Variants in ANLN observed in about 807,000 individuals in gnomAD.
ANLN encodes the protein anillin, actin binding protein.
A neutral mutation model predicts 135.1 loss-of-function variants in ANLN; 59 were observed. The ratio of observed to expected loss-of-function variants is 0.44; its 90% CI spans 0.35 to 0.54. The LOEUF is 0.54. Ranked by LOEUF, ANLN falls within the 20% of genes least tolerant of loss-of-function variation. The pLI is 0.00. For synonymous variants in ANLN, 406 were observed against 456.4 expected (o/e 0.89, Z 1.41); for missense variants, 1,182 against 1,340.0 (o/e 0.88, Z 1.84).
In ANLN at chr7:36,399,229, A is replaced by C. The variant is rs200741510; in HGVS notation, c.323A>C (p.Gln108Pro). Residue 108 changes from glutamine (Q) to proline (P), a missense_variant, in exon 3 of 24, where the codon CAA becomes CCA. Gln to Pro is a moderately conservative substitution (Grantham distance 76). Coordinates refer to ENST00000265748, the MANE Select transcript of ANLN (RefSeq NM_018685.5). The part of the protein sequence containing the change: ...PSPVSPQVQP[Q>P]AADTISDSVA... Reference sequence around the variant, plus strand: ...CCTGTGTCTCCTCAGGTGCAGCCACAAGCAGCAGATACCATCAGTGATTCT... The same window carrying C: ...CCTGTGTCTCCTCAGGTGCAGCCACCAGCAGCAGATACCATCAGTGATTCT... 39 of 1,614,182 alleles carry C rather than the reference A, an allele frequency of 2.4e-5. No homozygotes were observed. The East Asian group carries it at 7.4e-4, about 30-fold the overall frequency.
At position 36,443,487 on chromosome 7, in the gene ANLN, TAA is replaced by T. The variant is rs35586687; in HGVS notation, c.2971-265_2971-264del. ...ATTTGATTAGGGACACTATACTTTT[TAA>T]AAGTCTTAAAGTAGGTAGAGGTATT... On this transcript the variant is annotated intron_variant, in intron 21 of 23. Transcript: ENST00000265748. 0.12 allele frequency among the ~76,000 whole-genome samples: 17,512 copies of T among 152,226 alleles called. 1,065 individuals are homozygous for T. Among genetic ancestry groups the T allele is most frequent in the South Asian group, 0.14 (674 of 4,820 alleles).
rs760332051 is a variant in ANLN, at chr7:36,410,474, T to A, written c.1097-40T>A. The A allele has an allele frequency of 1.2e-4, 182 of 1,501,866 alleles. No homozygotes were observed. In the Admixed American group the frequency reaches 2.5e-3, roughly 21 times the overall value. The allele number at this position is 1,501,866 out of a possible 1,614,324, so 93.0% of individuals were successfully genotyped here. A position where few individuals can be genotyped will look rare whatever the true frequency, so the allele number is the denominator to read the frequency against. On this transcript the variant is annotated intron_variant, in intron 5 of 23. Coordinates refer to ENST00000265748, the MANE Select transcript of ANLN (RefSeq NM_018685.5). Reference sequence around the variant, plus strand: ...TTCCATAGAAATCGTAATAATTTTTTATTTTGAATAGCCTCCAAAAATGTG... The same window carrying A: ...TTCCATAGAAATCGTAATAATTTTTAATTTTGAATAGCCTCCAAAAATGTG...
rs112562777 is a variant in ANLN, at chr7:36,440,104, CAT to C, written c.2970+815_2970+816del. 2.4e-3 allele frequency among the ~76,000 whole-genome samples: 367 copies of C among 152,222 alleles called. 2 individuals are homozygous for C. The highest frequency in any genetic ancestry group is 6.4e-3 in the African/African-American group (264 of 41,528). On this transcript the variant is annotated intron_variant, in intron 21 of 23. Coordinates refer to ENST00000265748, the MANE Select transcript of ANLN (RefSeq NM_018685.5). ...GATTTGAATTTTAGATGCCTGGAAA[CAT>C]GTGTGAAAGTTCTGGGTTTGGAGCT...
In ANLN at chr7:36,419,085, A is replaced by G. The variant is rs145729916; in HGVS notation, c.1634-159A>G. Among the ~76,000 whole-genome samples, 259 of 152,190 alleles carry G rather than the reference A, an allele frequency of 1.7e-3. 1 individual carries two copies. Among genetic ancestry groups the G allele is most frequent in the African/African-American group, 5.9e-3 (247 of 41,538 alleles). Reference sequence around the variant, plus strand: ...TGAAGCTGAAGATTTTCTTGGTTTCATTTATTAGTAGTATTTTCTTATTTT... The same window carrying G: ...TGAAGCTGAAGATTTTCTTGGTTTCGTTTATTAGTAGTATTTTCTTATTTT... On this transcript the variant is annotated intron_variant, in intron 9 of 23. Coordinates refer to ENST00000265748, the MANE Select transcript of ANLN (RefSeq NM_018685.5).
At chr7:36,440,290 G>A (rs1246469900) in intron 21 of ANLN, among the ~76,000 whole-genome samples, 7 of 152,276 alleles carry the variant, frequency 4.6e-5, no homozygotes, top group East Asian at 3.9e-4. Context: ...GGAGAGAAAC[G>A]GAGAATCTAG....
intron 23 of ANLN, among the ~76,000 whole-genome samples, chr7:36,450,065 A>G (rs1387185936): frequency 1.3e-5 from 2 of 152,252 alleles, no homozygotes; most frequent in African/African-American, 2.4e-5. Context: ...GTTTTCCAGT[A>G]TGCTCACAGT....
At chr7:36,423,974 T>A (rs768632988) in intron 15 of ANLN, 31 bp downstream of exon 15, 1 of 1,595,932 alleles carries the variant, frequency 6.3e-7, no homozygotes, top group East Asian at 2.3e-5. Flanking sequence ...ATGATTCGAA[T>A]GCATTTTTCT....
chr7:36,435,268 A>G (rs1206362256), intron 20 of ANLN, among the ~76,000 whole-genome samples: 1 of 152,170 alleles, frequency 6.6e-6, no homozygotes, highest in African/African-American at 2.4e-5. Context: ...CCCAGCCACT[A>G]CAGGCAACCA....
Position 36,406,280 on chromosome 7 carries a change from T to C in ANLN, c.587T>C (p.Val196Ala), listed in dbSNP as rs1489464974. The C allele has an allele frequency of 2.5e-6, 4 of 1,614,052 alleles. No individual in the cohort carries two copies. In the South Asian group the frequency reaches 3.3e-5, roughly 13 times the overall value. ...CTTTCAAATGCCTCGGCAACTCCAG[T>C]TGGCAGAAGGGGCCGTCTGGCCAAT... ...PLLSNASATP[V>A]GRRGRLANLA... Residue 196 changes from valine to alanine, a missense_variant, in exon 4 of 24, where the codon GTT becomes GCT. Physicochemically the swap from Val to Ala is moderately conservative, Grantham distance 64. Coordinates refer to ENST00000265748, the MANE Select transcript of ANLN (RefSeq NM_018685.5).
At chr7:36,428,453 T>C in intron 20 of ANLN, 1 of 642,142 alleles carries the variant, frequency 1.6e-6, no homozygotes, top group South Asian at 1.7e-5. Flanking sequence ...ACTATCTTTT[T>C]GTTTACTTTG....
chr7:36,402,194 T>C (rs79696535), intron 3 of ANLN, among the ~76,000 whole-genome samples: 1 of 110,506 alleles, frequency 9.0e-6, no homozygotes, highest in African/African-American at 4.0e-5. Flanking sequence ...CCACTGCAAC[T>C]TCTGCCTTCC....
At chr7:36,405,368 A>T (rs896926950) in intron 3 of ANLN, among the ~76,000 whole-genome samples, 13 of 152,236 alleles carry the variant, frequency 8.5e-5, no homozygotes, top group Non-Finnish European at 1.6e-4. Flanking sequence ...TTATGTGCAG[A>T]CAAGAGTTTG....
chr7:36,396,678 C>T (rs1258969621), intron 2 of ANLN, among the ~76,000 whole-genome samples: 1 of 151,984 alleles, frequency 6.6e-6, no homozygotes, highest in Non-Finnish European at 1.5e-5. Flanking sequence ...TGAAGTTATC[C>T]TTAAAACCTC....
In ANLN at chr7:36,452,739, ATTTAT is replaced by A; in HGVS notation, c.*140_*144del. ...CAATATTCACTACGTATTATGCAGT[ATTTAT>A]ATCTTTTGTATGTAAAACTTTAACT... On this transcript the variant is annotated 3_prime_UTR_variant, in exon 24 of 24. Coordinates refer to ENST00000265748, the MANE Select transcript of ANLN (RefSeq NM_018685.5). 1 of 898,200 alleles carries A rather than the reference ATTTAT, an allele frequency of 1.1e-6. No individual in the cohort carries two copies. The highest frequency in any genetic ancestry group is 1.6e-6 in the Non-Finnish European group (1 of 611,288). The allele number at this position is 898,200 out of a possible 1,614,324, so 55.6% of individuals were successfully genotyped here. A position where few individuals can be genotyped will look rare whatever the true frequency, so the allele number is the denominator to read the frequency against.
intron 7 of ANLN, among the ~76,000 whole-genome samples, chr7:36,412,797 C>T (rs1031958947): frequency 2.0e-5 from 3 of 152,198 alleles, no homozygotes; most frequent in Admixed American, 1.3e-4. Flanking sequence ...TTCAGTCCTG[C>T]CATGCAGGCT....
chr7:36,415,647 G>A, intron 7 of ANLN, 111 bp from the exon 8 acceptor site: 2 of 1,228,674 alleles, frequency 1.6e-6, no homozygotes, highest in East Asian at 2.7e-5. Flanking sequence ...TGGTTCTAAG[G>A]AAACTTATAC....
At chr7:36,414,769 A>T (rs1787571956) in intron 7 of ANLN, among the ~76,000 whole-genome samples, 1 of 152,232 alleles carries the variant, frequency 6.6e-6, no homozygotes, top group Non-Finnish European at 1.5e-5. Flanking sequence ...TTACACAACC[A>T]AAGCTGCTTC....
intron 22 of ANLN, among the ~76,000 whole-genome samples, chr7:36,446,021 TC>T (rs1162114469): frequency 6.6e-6 from 1 of 152,220 alleles, no homozygotes; most frequent in Non-Finnish European, 1.5e-5. Context: ...ATATTTTCTC[TC>T]GTATGAACTG....
intron 6 of ANLN, 32 bp downstream of exon 6, chr7:36,410,736 A>T (rs1283520697): frequency 6.3e-7 from 1 of 1,592,136 alleles, no homozygotes; most frequent in South Asian, 1.1e-5. Flanking sequence ...ATTATTCATC[A>T]CATGGTCTCT....
Sources: allele counts gnomAD v4.1 joint callset (sites outside exome capture counted in the v4.1 genomes callset), GRCh38; gene constraint gnomAD v4.1.1; transcripts MANE v1.5; gene names NCBI Gene and HGNC (gene_info 2026-07-23, HGNC 2026-07-21).